KLHL8: variants seen among roughly 807,000 people sequenced by gnomAD.
KLHL8 encodes kelch like family member 8, also known as kelch-like protein 8.
In KLHL8, 38 loss-of-function variants were observed where a neutral mutation model predicts 63.5. The ratio of observed to expected loss-of-function variants is 0.60; its 90% CI spans 0.46 to 0.78. The LOEUF (loss-of-function observed/expected upper bound fraction) is 0.78, where lower values mean the gene tolerates loss of function less well. KLHL8 is among the 30% of genes least tolerant of loss of function. KLHL8 has a pLI of 0.00. For synonymous variants in KLHL8, 224 were observed against 254.3 expected, an observed-to-expected ratio of 0.88 and a Z score of 1.13; for missense variants, 566 against 752.4, an observed-to-expected ratio of 0.75 and a Z score of 2.90.
chr4:87,201,456 T>C (rs1731916218), intron 1 of KLHL8, among the ~76,000 whole-genome samples: 1 of 152,178 alleles, frequency 6.6e-6, no homozygotes, highest in African/African-American at 2.4e-5. Flanking sequence ...GATTTAAACA[T>C]TCCTCTTCAG....
rs1396450275 is a variant in KLHL8, at chr4:87,179,325, C to T, written c.953-705G>A. ...GCCCTCATCACCTACTACTTAACTA[C>T]TGCAAAATCCTGTCCTCTCTTAACA... On this transcript the variant is annotated intron_variant, in intron 4 of 9. Coordinates refer to ENST00000273963, the MANE Select transcript of KLHL8 (RefSeq NM_020803.5). 2.0e-5 allele frequency among the ~76,000 whole-genome samples: 3 copies of T among 152,172 alleles called. No homozygotes were observed. The East Asian group carries it at 5.8e-4, about 29-fold the overall frequency.
chr4:87,211,600 T>C lies in KLHL8; in HGVS notation c.-152+8818A>G, dbSNP rs953430186. 5.3e-5 allele frequency among the ~76,000 whole-genome samples: 8 copies of C among 152,280 alleles called. No homozygotes were observed. The East Asian group carries it at 1.5e-3, about 29-fold the overall frequency. ...TGAGCCCAGGAGTTTGAGACCAGCC[T>C]GGACAACAAAGCAAAACCCCATCTC... On this transcript the variant is annotated intron_variant, in intron 1 of 9. Transcript: ENST00000273963.
In KLHL8 at chr4:87,184,478, C is replaced by T. The variant is rs116120247; in HGVS notation, c.765+773G>A. 4.0e-3 allele frequency among the ~76,000 whole-genome samples: 610 copies of T among 152,164 alleles called. 2 individuals carry two copies. Among genetic ancestry groups the T allele is most frequent in the African/African-American group, 0.014 (565 of 41,522 alleles). ...TAGGAAACTTTGTTATTAAAAATCA[C>T]GAGAATTATCACTGAGTGCTTTTAT... On this transcript the variant is annotated intron_variant, in intron 3 of 9. Coordinates refer to ENST00000273963, the MANE Select transcript of KLHL8 (RefSeq NM_020803.5).
intron 1 of KLHL8, among the ~76,000 whole-genome samples, chr4:87,217,586 T>C (rs1336793422): frequency 6.6e-6 from 1 of 152,088 alleles, no homozygotes; most frequent in Non-Finnish European, 1.5e-5. Flanking sequence ...GATCAAGCAA[T>C]TGGCCTGCTT....
rs766579893 is a variant in KLHL8, at chr4:87,178,559, G to C, written c.1014C>G (p.Cys338Trp). 2 of 1,611,450 alleles carry C rather than the reference G, an allele frequency of 1.2e-6. No homozygotes were observed. The highest frequency in any genetic ancestry group is 1.7e-6 in the Non-Finnish European group (2 of 1,179,352). The change falls in exon 5 of 10, where the codon TGC becomes TGG. Residue 338 changes from cysteine to tryptophan, a missense_variant. Coordinates refer to ENST00000273963, the MANE Select transcript of KLHL8 (RefSeq NM_020803.5). ...GSGDPFRSIE[C>W]YSINKNSWFF... ...ACCAACTGTTTTTGTTGATAGAATA[G>C]CATTCAATACTGCGAAAGGGGTCAC...
At chr4:87,233,332 A>G (rs938796554) in intron 1 of KLHL8, among the ~76,000 whole-genome samples, 1 of 152,148 alleles carries the variant, frequency 6.6e-6, no homozygotes, top group African/African-American at 2.4e-5. Flanking sequence ...TCATGCCTAT[A>G]ATCCCAGCAC....
At chr4:87,208,039 G>T in intron 1 of KLHL8, 1 of 649,890 alleles carries the variant, frequency 1.5e-6, no homozygotes, top group South Asian at 1.4e-5. Context: ...CGATGAATTT[G>T]GCTACAGCAA....
At chr4:87,217,528 T>A (rs1387640167) in intron 1 of KLHL8, among the ~76,000 whole-genome samples, 1 of 151,968 alleles carries the variant, frequency 6.6e-6, no homozygotes, top group African/African-American at 2.4e-5. Context: ...TGTTTTTTTG[T>A]AGACACAGGG....
intron 8 of KLHL8, among the ~76,000 whole-genome samples, chr4:87,164,908 G>A (rs1730319200): frequency 6.6e-6 from 1 of 151,946 alleles, no homozygotes; most frequent in Non-Finnish European, 1.5e-5. Context: ...CAGCACTTTG[G>A]GAGGCCAAGG....
chr4:87,161,784 T>G lies in KLHL8; in HGVS notation c.*1735A>C, dbSNP rs1243914922. 6.9e-6 allele frequency: 1 copy of G among 144,364 alleles called. No individual in the cohort carries two copies. Among genetic ancestry groups the G allele is most frequent in the Non-Finnish European group, 1.5e-5 (1 of 67,904 alleles). The allele number at this position is 144,364 out of a possible 1,614,324, so 8.9% of individuals were successfully genotyped here. On this transcript the variant is annotated 3_prime_UTR_variant, in exon 10 of 10. Transcript: ENST00000273963. ...TGCCTCTGGACTGACTGAAATATGGTTGTACTTACACAAAAGAACACTGGT... is the reference window on the plus strand; with the variant it reads ...TGCCTCTGGACTGACTGAAATATGGGTGTACTTACACAAAAGAACACTGGT...
At position 87,162,266 on chromosome 4, in the gene KLHL8, AT is replaced by A. The variant is rs576811572; in HGVS notation, c.*1252del. 9 of 152,368 alleles carry A rather than the reference AT, an allele frequency of 5.9e-5. No individual in the cohort carries two copies. The South Asian group carries it at 1.2e-3, about 21-fold the overall frequency. The allele number at this position is 152,368 out of a possible 1,614,324, so 9.4% of individuals were successfully genotyped here. A position where few individuals can be genotyped will look rare whatever the true frequency, so the allele number is the denominator to read the frequency against. ...GTTCTTGATAAATATTTATAAAAAA[AT>A]ATACATATAATGAATAGGCCATTTT... On this transcript the variant is annotated 3_prime_UTR_variant, in exon 10 of 10. Transcript: ENST00000273963.
At chr4:87,206,075 C>T (rs1474015732) in intron 1 of KLHL8, among the ~76,000 whole-genome samples, 2 of 152,142 alleles carry the variant, frequency 1.3e-5, no homozygotes, top group East Asian at 3.9e-4. Context: ...AAACATGAGC[C>T]ATATTTGACT....
chr4:87,225,338 A>G (rs1175038367), upstream of KLHL8, among the ~76,000 whole-genome samples: 1 of 152,196 alleles, frequency 6.6e-6, no homozygotes, highest in Non-Finnish European at 1.5e-5. Flanking sequence ...GAAGTTGTCT[A>G]TATCTTTCAT....
rs1732793060 is a variant in KLHL8 at position 87,220,481 on chromosome 4, G to C, written c.-215C>G. 6.6e-6 allele frequency: 1 copy of C among 152,300 alleles called. No individual in the cohort carries two copies. The allele number at this position is 152,300 out of a possible 1,614,324, so 9.4% of individuals were successfully genotyped here. ...TTGCAGCCACGTTACCACGCTCCCAGAGCCCCGGCCGCCCTCAGCGGAACC... is the reference window on the plus strand; with the variant it reads ...TTGCAGCCACGTTACCACGCTCCCACAGCCCCGGCCGCCCTCAGCGGAACC... On this transcript the variant is annotated 5_prime_UTR_variant, in exon 1 of 10. Transcript: ENST00000273963.
chr4:87,235,227 C>T (rs1200889915), intron 1 of KLHL8, among the ~76,000 whole-genome samples: 2 of 152,180 alleles, frequency 1.3e-5, no homozygotes, highest in Non-Finnish European at 2.9e-5. Flanking sequence ...ACTTCCAGTC[C>T]TGCATGCTCC....
Position 87,177,107 on chromosome 4 carries a change from G to GC in KLHL8, c.1097-240dup, listed in dbSNP as rs137914569. Among the ~76,000 whole-genome samples, 49 of 151,794 alleles carry GC rather than the reference G, an allele frequency of 3.2e-4. No individual in the cohort carries two copies. In the East Asian group the frequency reaches 6.2e-3, roughly 19 times the overall value. ...TATTAGTAAATGCTCTAATATTATC[G>GC]CCCCCCCTTAGGCTTCCCAACTTTT... On this transcript the variant is annotated intron_variant, in intron 5 of 9. Transcript: ENST00000273963.
chr4:87,178,512 C>A lies in KLHL8; in HGVS notation c.1061G>T (p.Ser354Ile), dbSNP rs746643550. The change falls in exon 5 of 10, where the codon AGT becomes ATT. Residue 354 changes from serine (S) to isoleucine (I), a missense_variant. Coordinates refer to ENST00000273963, the MANE Select transcript of KLHL8 (RefSeq NM_020803.5). ...GATTACACCCACATGTCGCCTTCGA[C>A]TATTCATTTCTGGTCCAAAGAACCA... Reference protein sequence around the residue: ...NSWFFGPEMNSRRRHVGVISV... With the variant: ...NSWFFGPEMNIRRRHVGVISV... The A allele has an allele frequency of 2.6e-5, 42 of 1,611,834 alleles. No homozygotes were observed. Among genetic ancestry groups the A allele is most frequent in the Non-Finnish European group, 3.1e-5 (36 of 1,179,576 alleles).
At chr4:87,219,044 C>T (rs1181929237) in intron 1 of KLHL8, among the ~76,000 whole-genome samples, 1 of 152,198 alleles carries the variant, frequency 6.6e-6, no homozygotes, top group Non-Finnish European at 1.5e-5. Flanking sequence ...GCCCCTGAGA[C>T]ACCTCTTTTT....
At chr4:87,215,270 A>C (rs1732553565) in intron 1 of KLHL8, among the ~76,000 whole-genome samples, 1 of 152,230 alleles carries the variant, frequency 6.6e-6, no homozygotes, top group South Asian at 2.1e-4. Context: ...GCATTAAAAT[A>C]ACTAAAGATC....
Sources: gnomAD v4.1 joint callset for allele counts (sites outside exome capture counted in the v4.1 genomes callset) on GRCh38, gnomAD v4.1.1 for gene constraint, MANE v1.5 for transcripts, NCBI Gene and HGNC (gene_info 2026-07-23, HGNC 2026-07-21) for gene names.